Variants in KCNN1 observed in about 807,000 individuals in gnomAD.
KCNN1 encodes the protein potassium calcium-activated channel subfamily N member 1, also known as small conductance calcium-activated potassium channel protein 1.
In KCNN1, 20 loss-of-function variants were observed where a neutral mutation model predicts 44.7. The observed-to-expected ratio is 0.45, with a 90% confidence interval of 0.32 to 0.65. The LOEUF is 0.65. Among genes scored for constraint, KCNN1 ranks in the 30% least tolerant of loss-of-function variants. The pLI is 0.05. For synonymous variants in KCNN1, 324 were observed against 341.7 expected (o/e 0.95, Z 0.57); for missense variants, 632 against 785.3 (o/e 0.80, Z 2.33).
At chr19:17,981,268 G>A (rs1368833963) in intron 3 of KCNN1, among the ~76,000 whole-genome samples, 1 of 150,974 alleles carries the variant, frequency 6.6e-6, no homozygotes, top group Non-Finnish European at 1.5e-5. Context: ...AGAAAGAAAA[G>A]AGGCTGGGCA....
chr19:17,982,713 T>C, intron 4 of KCNN1: 1 of 513,006 alleles, frequency 1.9e-6, no homozygotes, highest in Non-Finnish European at 2.5e-6. Flanking sequence ...GCGGGGTGGG[T>C]CGGGGTAAGT....
chr19:17,957,082 A>G (rs1449998198), intron 2 of KCNN1, among the ~76,000 whole-genome samples: 1 of 150,026 alleles, frequency 6.7e-6, no homozygotes, highest in African/African-American at 2.4e-5. Context: ...AAAAAACAAA[A>G]AACAGAGAAA....
rs2033127313 is a variant in KCNN1, at chr19:17,999,910, G to A, written c.*1504G>A. The A allele has an allele frequency of 8.8e-6, 4 of 454,116 alleles. No individual in the cohort carries two copies. Among genetic ancestry groups the A allele is most frequent in the African/African-American group, 4.0e-5 (2 of 49,996 alleles). The allele number at this position is 454,116 out of a possible 1,614,324, so 28.1% of individuals were successfully genotyped here. A position where few individuals can be genotyped will look rare whatever the true frequency, so the allele number is the denominator to read the frequency against. On this transcript the variant is annotated 3_prime_UTR_variant, in exon 10 of 10. Coordinates refer to ENST00000684775, the MANE Select transcript of KCNN1 (RefSeq NM_001386974.1). Reference sequence around the variant, plus strand: ...GGAGGTGCTGGTCAGACCCGGGTTCGAGTCCTGACTCTGCCACTGCTGGGT... The same window carrying A: ...GGAGGTGCTGGTCAGACCCGGGTTCAAGTCCTGACTCTGCCACTGCTGGGT...
chr19:17,970,286 A>C (rs984243872), intron 1 of KCNN1, among the ~76,000 whole-genome samples: 1 of 117,652 alleles, frequency 8.5e-6, no homozygotes, highest in South Asian at 3.0e-4. Context: ...CATAGAAGGA[A>C]TGATTTTTTT....
chr19:17,966,910 G>T (rs2031826575), upstream of KCNN1, among the ~76,000 whole-genome samples: 1 of 150,994 alleles, frequency 6.6e-6, no homozygotes. Context: ...CTTCACCAAG[G>T]TCCTTCCCGT....
chr19:17,979,542 G>C (rs2032327337), intron 3 of KCNN1, among the ~76,000 whole-genome samples: 2 of 140,974 alleles, frequency 1.4e-5, no homozygotes, highest in South Asian at 2.4e-4. Flanking sequence ...GGGTGGGGGA[G>C]GGGGCGTGGC....
chr19:17,973,751 C>A, intron 1 of KCNN1, 57 bp from the exon 2 acceptor site: 3 of 1,442,376 alleles, frequency 2.1e-6, no homozygotes, highest in Non-Finnish European at 2.7e-6. Context: ...ATGGTCCTTG[C>A]CTTTCTGGTC....
chr19:17,993,677 G>A lies in KCNN1; in HGVS notation c.1377+118G>A. On this transcript the variant is annotated intron_variant, in intron 9 of 9. Transcript: ENST00000684775. This position sits in a 1 kb window ranked among gnomAD's most constrained non-coding sequence, Gnocchi z 4.5. ...GGACCCGCTGTGGGCTGAGTGCAGT[G>A]GCGGGCGGATCGCTTGAGCTCAGGA... 1.3e-6 allele frequency: 1 copy of A among 792,936 alleles called. No homozygotes were observed. Among genetic ancestry groups the A allele is most frequent in the Non-Finnish European group, 2.2e-6 (1 of 455,296 alleles). 49.1% of individuals were successfully genotyped at this position (792,936 alleles called of 1,614,324 possible).
chr19:17,970,289 ATTTT>A (rs71164333), intron 1 of KCNN1, among the ~76,000 whole-genome samples: 3 of 56,926 alleles, frequency 5.3e-5, no homozygotes, highest in East Asian at 6.0e-4. Flanking sequence ...AGAAGGAATG[ATTTT>A]TTTTTTTTTT....
intron 3 of KCNN1, among the ~76,000 whole-genome samples, chr19:17,975,897 G>T (rs116064862): frequency 0.01 from 1,597 of 152,122 alleles, 23 homozygotes; most frequent in African/African-American, 0.035. Flanking sequence ...TCTTGTCAGT[G>T]TCTCGCCATA....
At chr19:17,973,347 C>T (rs2032088086) in intron 1 of KCNN1, among the ~76,000 whole-genome samples, 1 of 152,162 alleles carries the variant, frequency 6.6e-6, no homozygotes, top group African/African-American at 2.4e-5. Context: ...ATGGCATGAT[C>T]TTGGCTCACT....
chr19:17,961,314 C>T (rs1361972112), intron 2 of KCNN1, among the ~76,000 whole-genome samples: 3 of 151,856 alleles, frequency 2.0e-5, no homozygotes, highest in African/African-American at 4.8e-5. Flanking sequence ...CAGTGGTTCA[C>T]GCTTATAATC....
chr19:17,986,819 C>T (rs944714806), intron 5 of KCNN1, among the ~76,000 whole-genome samples: 2 of 151,358 alleles, frequency 1.3e-5, no homozygotes, highest in Admixed American at 1.3e-4. Flanking sequence ...TGTTTTTTTC[C>T]TCATTGAGAT....
chr19:17,999,819 C>T lies in KCNN1; in HGVS notation c.*1413C>T, dbSNP rs1166366782. The T allele has an allele frequency of 1.9e-5, 7 of 359,992 alleles. No homozygotes were observed. In the East Asian group the frequency reaches 3.7e-4, roughly 19 times the overall value. 22.3% of individuals were successfully genotyped at this position (359,992 alleles called of 1,614,324 possible). ...TAAGGCCATCCATCGCCTGGCTCAA[C>T]GAGATAACTAGGCCGTGGCTGGTGC... is the stretch of plus-strand genomic sequence containing the variant. On this transcript the variant is annotated 3_prime_UTR_variant, in exon 10 of 10. Transcript: ENST00000684775.
chr19:17,989,207 C>T (rs2032704313), intron 6 of KCNN1, among the ~76,000 whole-genome samples: 1 of 152,140 alleles, frequency 6.6e-6, no homozygotes, highest in African/African-American at 2.4e-5. Flanking sequence ...CCTGTAATCC[C>T]AGCACTTTAG....
chr19:17,984,855 T>G (rs180704984), intron 4 of KCNN1, among the ~76,000 whole-genome samples: 9 of 152,206 alleles, frequency 5.9e-5, no homozygotes, highest in Admixed American at 3.9e-4. Context: ...CCTTCCTATA[T>G]GGACGTCCCT....
At chr19:17,962,099 A>G (rs1399623734) in intron 2 of KCNN1, among the ~76,000 whole-genome samples, 1 of 152,108 alleles carries the variant, frequency 6.6e-6, no homozygotes, top group African/African-American at 2.4e-5. Flanking sequence ...TGGGGGTGGT[A>G]AAGGAAGGAG....
At chr19:17,979,297 G>C (rs555330406) in intron 3 of KCNN1, among the ~76,000 whole-genome samples, 146 of 151,644 alleles carry the variant, frequency 9.6e-4, no homozygotes, top group Admixed American at 4.0e-3. Flanking sequence ...GCCAGGCGTG[G>C]TGGCGGGCGC....
At chr19:17,995,215 C>T (rs1241307723) in intron 9 of KCNN1, among the ~76,000 whole-genome samples, 2 of 150,526 alleles carry the variant, frequency 1.3e-5, no homozygotes, top group Non-Finnish European at 1.5e-5. Flanking sequence ...CTCTGTGGTA[C>T]AGGCTGGAGT....
Sources: gnomAD v4.1 joint callset for allele counts (sites outside exome capture counted in the v4.1 genomes callset) on GRCh38, gnomAD v4.1.1 for gene constraint, Gnocchi (gnomAD v3.1) non-coding constraint, MANE v1.5 for transcripts, NCBI Gene and HGNC (gene_info 2026-07-23, HGNC 2026-07-21) for gene names.